Variants in CASS4 observed in about 807,000 individuals in gnomAD.
The protein encoded by CASS4 is cas scaffolding protein family member 4.
In CASS4, 22 loss-of-function variants were observed where a neutral mutation model predicts 54.2. The observed-to-expected ratio is 0.41, with a 90% CI of 0.29 to 0.58. The LOEUF (loss-of-function observed/expected upper bound fraction) is 0.58, where lower values mean the gene tolerates loss of function less well. CASS4 is among the 20% of genes least tolerant of loss of function. The pLI is 0.36. For missense variants in CASS4, 854 were observed against 986.7 expected, an observed-to-expected ratio of 0.87 and a Z score of 1.80; for synonymous variants, 409 against 391.5, an observed-to-expected ratio of 1.04 and a Z score of -0.53.
chr20:56,430,879 G>A lies in CASS4; in HGVS notation c.37-6285G>A, dbSNP rs554138204. On this transcript the variant is annotated intron_variant, in intron 1 of 5. Transcript: ENST00000679887. This position sits in a 1 kb window ranked among gnomAD's most constrained non-coding sequence, Gnocchi z 4.2. Reference sequence around the variant, plus strand: ...CATTTGAGAAAAGTAAGAAAACAATGTGACTGGAGGGAAATGAATGAGGGT... The same window carrying A: ...CATTTGAGAAAAGTAAGAAAACAATATGACTGGAGGGAAATGAATGAGGGT... Among the ~76,000 whole-genome samples the A allele has an allele frequency of 6.6e-6, 1 of 152,316 alleles. No homozygotes were observed. Among genetic ancestry groups the A allele is most frequent in the Admixed American group, 6.5e-5 (1 of 15,300 alleles).
chr20:56,458,684 C>T lies in CASS4; in HGVS notation c.2298C>T (p.His766=). 2 of 1,612,634 alleles carry T rather than the reference C, an allele frequency of 1.2e-6. No homozygotes were observed. Among genetic ancestry groups the T allele is most frequent in the Non-Finnish European group, 1.7e-6 (2 of 1,179,642 alleles). The change falls in exon 6 of 6, where the codon CAC becomes CAT. Residue 766 remains histidine (H), a synonymous_variant. Transcript: ENST00000679887. ...LTYPSPAALG[H]LQAEAEKLEQ... is the part of the protein sequence containing the mutation. ...ACCCCAGCCCTGCCGCGCTGGGGCACCTCCAGGCGGAGGCTGAGAAGCTGG... is the reference window on the plus strand; with the variant it reads ...ACCCCAGCCCTGCCGCGCTGGGGCATCTCCAGGCGGAGGCTGAGAAGCTGG...
At chr20:56,447,504 T>A (rs1410275760) in intron 3 of CASS4, among the ~76,000 whole-genome samples, 2 of 152,210 alleles carry the variant, frequency 1.3e-5, no homozygotes, top group Non-Finnish European at 2.9e-5. Context: ...CCTGGTTCTG[T>A]TGGCAGATGT....
intron 1 of CASS4, among the ~76,000 whole-genome samples, chr20:56,417,100 T>C (rs1185613161): frequency 1.3e-5 from 2 of 152,222 alleles, no homozygotes; most frequent in African/African-American, 4.8e-5. Context: ...GGCTTGGAAG[T>C]GTGTACCACT....
At chr20:56,446,123 A>T in intron 3 of CASS4, 122 bp downstream of exon 3, 1 of 638,940 alleles carries the variant, frequency 1.6e-6, no homozygotes, top group Non-Finnish European at 2.7e-6. Context: ...AGCCTCCAGA[A>T]TACACATCAC....
At chr20:56,420,615 G>A (rs1016283192) in intron 1 of CASS4, among the ~76,000 whole-genome samples, 4 of 144,274 alleles carry the variant, frequency 2.8e-5, no homozygotes, top group African/African-American at 1.0e-4. Flanking sequence ...GGCTTGTCTC[G>A]AACTCCTGAC....
At chr20:56,421,476 C>T (rs953312833) in intron 1 of CASS4, among the ~76,000 whole-genome samples, 5 of 152,114 alleles carry the variant, frequency 3.3e-5, no homozygotes, top group African/African-American at 1.2e-4. Flanking sequence ...GTGGGAGGAT[C>T]GCTTGAGCCC....
At chr20:56,453,235 G>A (rs1981131774) in intron 5 of CASS4, 106 bp downstream of exon 5, 1 of 751,948 alleles carries the variant, frequency 1.3e-6, no homozygotes, top group Admixed American at 3.0e-5. Context: ...GCTTTGGGGA[G>A]ACACTGGTTC....
chr20:56,432,604 G>A (rs887826592), intron 1 of CASS4, among the ~76,000 whole-genome samples: 1 of 152,108 alleles, frequency 6.6e-6, no homozygotes, highest in Non-Finnish European at 1.5e-5. Flanking sequence ...CTGGCTTCAA[G>A]TCATCCACAC....
chr20:56,433,157 G>T (rs1979995921), intron 1 of CASS4, among the ~76,000 whole-genome samples: 2 of 152,202 alleles, frequency 1.3e-5, no homozygotes, highest in Non-Finnish European at 2.9e-5. Context: ...TGGATGAGTT[G>T]AACCCTAATG....
intron 1 of CASS4, among the ~76,000 whole-genome samples, chr20:56,426,062 C>T (rs1168343959): frequency 6.6e-6 from 1 of 152,232 alleles, no homozygotes; most frequent in Non-Finnish European, 1.5e-5. Flanking sequence ...ATCTCCCTCT[C>T]CCAGGAGGCA....
In CASS4 at chr20:56,437,321, C is replaced by A. The variant is rs755196040; in HGVS notation, c.194C>A (p.Ala65Asp). The A allele has an allele frequency of 6.2e-7, 1 of 1,614,006 alleles. No individual in the cohort carries two copies. Among genetic ancestry groups the A allele is most frequent in the Admixed American group, 1.7e-5 (1 of 60,010 alleles). ...CATGGGAGGCAAGGCCTGGCCCCTG[C>A]CAACCGCCTCCAAATCCTCACGGAG... is the stretch of plus-strand genomic sequence containing the variant. The part of the protein sequence containing the change: ...LLHGRQGLAP[A>D]NRLQILTEVA... Residue 65 changes from alanine to aspartate, a missense_variant, in exon 2 of 6, where the codon GCC becomes GAC. Physicochemically the swap from Ala to Asp is moderately radical, Grantham distance 126. Transcript: ENST00000679887. The surrounding 1 kb of genome is among the most constrained non-coding windows in gnomAD (Gnocchi z 4.7).
chr20:56,417,813 C>T (rs1424011137), intron 1 of CASS4, among the ~76,000 whole-genome samples: 1 of 152,234 alleles, frequency 6.6e-6, no homozygotes, highest in African/African-American at 2.4e-5. Flanking sequence ...TGGCGTCAGC[C>T]TAAGCTGCCA....
intron 1 of CASS4, among the ~76,000 whole-genome samples, chr20:56,419,588 G>A (rs1012091982): frequency 3.3e-5 from 5 of 152,140 alleles, no homozygotes; most frequent in African/African-American, 9.7e-5. Context: ...CACTGTGCCC[G>A]GCTAATTTTT....
In CASS4 at chr20:56,458,489, G is replaced by A. The variant is rs1402215374; in HGVS notation, c.2103G>A (p.Glu701=). 2 of 1,614,086 alleles carry A rather than the reference G, an allele frequency of 1.2e-6. No individual in the cohort carries two copies. The highest frequency in any genetic ancestry group is 4.5e-5 in the East Asian group (2 of 44,896). ...GCCTCAGCAGCAGCCAGCCCGCGGA[G>A]ATCATCACTCAGAGCAAGCTGGTCA... The part of the protein sequence containing the change: ...HGSLSSSQPA[E]IITQSKLVIM... The change falls in exon 6 of 6, where the codon GAG becomes GAA. Residue 701 remains glutamate (E), a synonymous_variant. Coordinates refer to ENST00000679887, the MANE Select transcript of CASS4 (RefSeq NM_020356.4).
chr20:56,440,127 T>C (rs1179134437), intron 2 of CASS4, among the ~76,000 whole-genome samples: 4 of 152,216 alleles, frequency 2.6e-5, no homozygotes, highest in Non-Finnish European at 4.4e-5. Context: ...AGTTGTTACA[T>C]AGAACAGCTG....
At chr20:56,429,556 C>G (rs1047578835) in intron 1 of CASS4, among the ~76,000 whole-genome samples, 1 of 152,146 alleles carries the variant, frequency 6.6e-6, no homozygotes, top group Non-Finnish European at 1.5e-5. Flanking sequence ...TGATCTCTCT[C>G]CAGGCAACCT....
chr20:56,451,914 T>C lies in CASS4; in HGVS notation c.738T>C (p.Thr246=). The change falls in exon 5 of 6, where the codon ACT becomes ACC. Residue 246 remains threonine (T), a synonymous_variant. Transcript: ENST00000679887. The part of the protein sequence containing the change: ...NPQKSEWIYD[T]PVSPGKASVR... ...AGAAATCGGAATGGATTTATGACAC[T>C]CCAGTGTCTCCAGGAAAGGCCAGCG... is the stretch of plus-strand genomic sequence containing the variant. The C allele has an allele frequency of 6.2e-7, 1 of 1,614,088 alleles. No individual in the cohort carries two copies. Among genetic ancestry groups the C allele is most frequent in the Middle Eastern group, 1.6e-4 (1 of 6,062 alleles).
rs1979851528 is a variant in CASS4, at chr20:56,430,435, G to T, written c.37-6729G>T. On this transcript the variant is annotated intron_variant, in intron 1 of 5. Coordinates refer to ENST00000679887, the MANE Select transcript of CASS4 (RefSeq NM_020356.4). This position sits in a 1 kb window ranked among gnomAD's most constrained non-coding sequence, Gnocchi z 4.2. ...AATCTAACTGCTTGTGTACCCACAA[G>T]GAACAAAAATGTGAACATACATCCT... 1.3e-5 allele frequency among the ~76,000 whole-genome samples: 2 copies of T among 152,262 alleles called. No individual in the cohort carries two copies. Among genetic ancestry groups the T allele is most frequent in the South Asian group, 4.1e-4 (2 of 4,832 alleles).
At chr20:56,419,750 C>T (rs906174754) in intron 1 of CASS4, among the ~76,000 whole-genome samples, 3 of 145,370 alleles carry the variant, frequency 2.1e-5, no homozygotes. Context: ...ACTCTTAAAA[C>T]TCCTCTAGGA....
Sources: allele counts gnomAD v4.1 joint callset (sites outside exome capture counted in the v4.1 genomes callset), GRCh38; gene constraint gnomAD v4.1.1; non-coding constraint Gnocchi (gnomAD v3.1); transcripts MANE v1.5; gene names NCBI Gene and HGNC (gene_info 2026-07-23, HGNC 2026-07-21).